NEGR1: variants seen among roughly 807,000 people sequenced by gnomAD.
NEGR1 encodes the protein IgLON family member 4.
NEGR1 carries 10 observed loss-of-function variants against 40.9 expected under a neutral mutation model. The ratio of observed to expected loss-of-function variants is 0.24; its 90% CI spans 0.15 to 0.42. The LOEUF (loss-of-function observed/expected upper bound fraction) is 0.42, where lower values mean the gene tolerates loss of function less well. Among genes scored for constraint, NEGR1 ranks in the 10% least tolerant of loss-of-function variants. NEGR1 has a pLI of 1.00. For synonymous variants in NEGR1, 185 were observed against 166.8 expected (o/e 1.11, Z -0.84); for missense variants, 352 against 438.9 (o/e 0.80, Z 1.77).
chr1:71,537,283 T>A (rs922220552), intron 6 of NEGR1, among the ~76,000 whole-genome samples: 4 of 151,688 alleles, frequency 2.6e-5, no homozygotes, highest in Non-Finnish European at 4.4e-5. Context: ...ATGAGAGAAA[T>A]ACTATGCTAG....
At chr1:71,669,164 C>A (rs1652334408) in intron 4 of NEGR1, among the ~76,000 whole-genome samples, 2 of 152,184 alleles carry the variant, frequency 1.3e-5, no homozygotes, top group East Asian at 3.9e-4. Flanking sequence ...TGCTTCTTAG[C>A]TTAAAGTCTA....
At chr1:72,141,715 T>C (rs1272207716) in intron 1 of NEGR1, among the ~76,000 whole-genome samples, 10 of 152,020 alleles carry the variant, frequency 6.6e-5, no homozygotes, top group Admixed American at 6.6e-4. Flanking sequence ...TGATAAAATA[T>C]ACAGGACCTC....
intron 1 of NEGR1, among the ~76,000 whole-genome samples, chr1:71,950,731 TTC>T (rs1646062718): frequency 1.3e-5 from 2 of 152,136 alleles, no homozygotes; most frequent in Non-Finnish European, 2.9e-5. Context: ...TTAGCTTTTA[TTC>T]TGTTACCAAT....
intron 1 of NEGR1, among the ~76,000 whole-genome samples, chr1:72,158,867 T>TA (rs1421118446): frequency 6.6e-6 from 1 of 152,176 alleles, no homozygotes; most frequent in East Asian, 1.9e-4. Flanking sequence ...GAAATGGAGA[T>TA]ATTGCTCATC....
At chr1:71,927,195 A>G (rs1307162099) in intron 2 of NEGR1, among the ~76,000 whole-genome samples, 1 of 152,180 alleles carries the variant, frequency 6.6e-6, no homozygotes, top group Non-Finnish European at 1.5e-5. Flanking sequence ...CCATGTAACC[A>G]TAGCAATTCT....
chr1:71,831,078 T>C (rs1156464120), intron 2 of NEGR1, among the ~76,000 whole-genome samples: 2 of 151,960 alleles, frequency 1.3e-5, no homozygotes, highest in Non-Finnish European at 2.9e-5. Flanking sequence ...CATGAACTAA[T>C]GAAAATAGAA....
At chr1:72,205,640 G>T (rs147157485) in intron 1 of NEGR1, among the ~76,000 whole-genome samples, 6 of 147,698 alleles carry the variant, frequency 4.1e-5, no homozygotes, top group Admixed American at 1.4e-4. Flanking sequence ...ACTTCCACTG[G>T]ACATGATGGC....
At chr1:72,206,891 G>C (rs1202356216) in intron 1 of NEGR1, among the ~76,000 whole-genome samples, 4 of 151,894 alleles carry the variant, frequency 2.6e-5, no homozygotes, top group Admixed American at 2.6e-4. Flanking sequence ...ATATCAAAGA[G>C]ATTGCAGTGG....
intron 4 of NEGR1, among the ~76,000 whole-genome samples, chr1:71,654,400 T>C (rs1651815110): frequency 6.6e-6 from 1 of 152,098 alleles, no homozygotes. Flanking sequence ...GAAGACAAAA[T>C]ATTAATAATA....
chr1:71,818,364 G>T (rs1344741817), intron 2 of NEGR1, among the ~76,000 whole-genome samples: 1 of 151,982 alleles, frequency 6.6e-6, no homozygotes, highest in Non-Finnish European at 1.5e-5. Context: ...ATTAAAAAAA[G>T]AATGAGCTCA....
At chr1:71,948,131 A>T (rs915390646) in intron 1 of NEGR1, among the ~76,000 whole-genome samples, 4 of 152,162 alleles carry the variant, frequency 2.6e-5, no homozygotes, top group Admixed American at 2.0e-4. Flanking sequence ...TCTTGTGTAG[A>T]TTTAAAGTTG....
intron 6 of NEGR1, chr1:71,468,590 A>G (rs1032892043): frequency 6.6e-6 from 1 of 152,046 alleles, no homozygotes; most frequent in African/African-American, 2.4e-5. Flanking sequence ...AGTCAGAGCC[A>G]TAAAACAGAT....
At chr1:72,273,084 C>T (rs1655898959) in intron 1 of NEGR1, among the ~76,000 whole-genome samples, 1 of 151,838 alleles carries the variant, frequency 6.6e-6, no homozygotes, top group Non-Finnish European at 1.5e-5. Context: ...AGATAACATC[C>T]TCAACATTAT....
chr1:72,042,167 A>G (rs1448884029), intron 1 of NEGR1, among the ~76,000 whole-genome samples: 1 of 151,524 alleles, frequency 6.6e-6, no homozygotes, highest in Non-Finnish European at 1.5e-5. Context: ...GATGGTATCT[A>G]TTTTCTTCTT....
chr1:71,603,104 G>T (rs1649976431), intron 5 of NEGR1, among the ~76,000 whole-genome samples: 1 of 152,166 alleles, frequency 6.6e-6, no homozygotes, highest in Admixed American at 6.5e-5. Flanking sequence ...TTCAATTCAA[G>T]AACTTTTCTT....
chr1:71,647,725 T>A (rs1271384630), intron 4 of NEGR1, among the ~76,000 whole-genome samples: 2 of 151,982 alleles, frequency 1.3e-5, no homozygotes, highest in African/African-American at 2.4e-5. Flanking sequence ...ATGACTAATG[T>A]CACTATTTGC....
rs1250405380 is a variant in NEGR1, at chr1:71,398,108, G to C, written c.*9338C>G. ...TTTCAGAGGATGTATAGAAATGCCTGGATGCCCAGAATGAAGTTCTCCTCA... is the reference window on the plus strand; with the variant it reads ...TTTCAGAGGATGTATAGAAATGCCTCGATGCCCAGAATGAAGTTCTCCTCA... On this transcript the variant is annotated 3_prime_UTR_variant, in exon 7 of 7. Coordinates refer to ENST00000357731, the MANE Select transcript of NEGR1 (RefSeq NM_173808.3). 3 of 152,280 alleles carry C rather than the reference G, an allele frequency of 2.0e-5. No individual in the cohort carries two copies. Among genetic ancestry groups the C allele is most frequent in the African/African-American group, 7.2e-5 (3 of 41,442 alleles). The allele number at this position is 152,280 out of a possible 1,614,324, so 9.4% of individuals were successfully genotyped here. A position where few individuals can be genotyped will look rare whatever the true frequency, so the allele number is the denominator to read the frequency against.
At chr1:71,707,644 T>G (rs1190935864) in intron 3 of NEGR1, among the ~76,000 whole-genome samples, 1 of 152,092 alleles carries the variant, frequency 6.6e-6, no homozygotes, top group Non-Finnish European at 1.5e-5. Flanking sequence ...CCCAGGGCTG[T>G]GAGTGAACAC....
chr1:72,259,647 A>T (rs1655391465), intron 1 of NEGR1, among the ~76,000 whole-genome samples: 1 of 152,094 alleles, frequency 6.6e-6, no homozygotes, highest in Non-Finnish European at 1.5e-5. Flanking sequence ...GTTCTCAATG[A>T]ATCAAAGCTA....
Sources: gnomAD v4.1 joint callset for allele counts (sites outside exome capture counted in the v4.1 genomes callset) on GRCh38, gnomAD v4.1.1 for gene constraint, MANE v1.5 for transcripts, NCBI Gene and HGNC (gene_info 2026-07-23, HGNC 2026-07-21) for gene names.